The following TMTC4 variants were observed in gnomAD, a reference collection of about 807,000 sequenced individuals.
TMTC4 encodes protein O-mannosyl-transferase TMTC4.
TMTC4 carries 65 observed loss-of-function variants against 86.0 expected under a neutral mutation model. The ratio of observed to expected loss-of-function variants is 0.76; its 90% CI spans 0.62 to 0.93. TMTC4 has a LOEUF of 0.93. Ranked by LOEUF, TMTC4 falls within the 40% of genes least tolerant of loss-of-function variation. The pLI is 0.00. For synonymous variants in TMTC4, 379 were observed against 382.5 expected (o/e 0.99, Z 0.11); for missense variants, 866 against 948.1 (o/e 0.91, Z 1.14).
intron 1 of TMTC4, chr13:100,674,232 C>T (rs1211507265): frequency 4.1e-6 from 4 of 980,992 alleles, no homozygotes; most frequent in Non-Finnish European, 3.6e-6. Flanking sequence ...CGTGGAGTAG[C>T]AGGCGCTCGC....
At chr13:100,632,963 C>T (rs1474969713) in intron 12 of TMTC4, among the ~76,000 whole-genome samples, 1 of 152,098 alleles carries the variant, frequency 6.6e-6, no homozygotes. Context: ...CCATTTTGAG[C>T]AAATAGCGTT....
chr13:100,624,588 A>G (rs1023176135), intron 15 of TMTC4, among the ~76,000 whole-genome samples: 2 of 152,080 alleles, frequency 1.3e-5, no homozygotes, highest in African/African-American at 4.8e-5. Context: ...ACAAACAAAC[A>G]AACAAACAAA....
chr13:100,613,760 C>G (rs1878002703), intron 16 of TMTC4, among the ~76,000 whole-genome samples: 3 of 149,804 alleles, frequency 2.0e-5, no homozygotes. Context: ...TCCTTCCTTC[C>G]CTCCCTTCCC....
intron 6 of TMTC4, among the ~76,000 whole-genome samples, chr13:100,653,995 T>A (rs1280172790): frequency 1.3e-5 from 2 of 152,222 alleles, no homozygotes; most frequent in Admixed American, 6.5e-5. Context: ...TGGTGGTGAC[T>A]CCATCGGCTC....
chr13:100,617,568 G>A lies in TMTC4; in HGVS notation c.1837-3138C>T, dbSNP rs755202590. Among the ~76,000 whole-genome samples the A allele has an allele frequency of 5.3e-5, 8 of 152,140 alleles. No individual in the cohort carries two copies. The South Asian group carries it at 8.3e-4, about 16-fold the overall frequency. ...TATGGCTAGCCAGCTATCCCAGCACGATTTATTGCCTAGGGAACCCTTTCC... is the reference window on the plus strand; with the variant it reads ...TATGGCTAGCCAGCTATCCCAGCACAATTTATTGCCTAGGGAACCCTTTCC... On this transcript the variant is annotated intron_variant, in intron 15 of 18. Coordinates refer to ENST00000342624, the MANE Select transcript of TMTC4 (RefSeq NM_032813.5).
intron 15 of TMTC4, chr13:100,623,765 A>C: frequency 4.3e-6 from 1 of 233,970 alleles, no homozygotes; most frequent in South Asian, 5.7e-5. Context: ...TCAATGCACC[A>C]GCTGATGGGT....
chr13:100,619,328 GACACACACAC>G (rs34662519), intron 15 of TMTC4, among the ~76,000 whole-genome samples: 69,255 of 145,914 alleles, frequency 0.47, 17,154 homozygotes, highest in Middle Eastern at 0.58. Context: ...AATAAAAGCA[GACACACACAC>G]ACACACACAC....
At chr13:100,622,824 T>G (rs961866369) in intron 15 of TMTC4, among the ~76,000 whole-genome samples, 2 of 152,188 alleles carry the variant, frequency 1.3e-5, no homozygotes, top group Admixed American at 1.3e-4. Context: ...ATGTGCACAA[T>G]GTGCAGGTTA....
At chr13:100,632,241 A>G (rs1184393926) in intron 12 of TMTC4, among the ~76,000 whole-genome samples, 2 of 152,200 alleles carry the variant, frequency 1.3e-5, no homozygotes, top group African/African-American at 4.8e-5. Context: ...GCACCTGGGC[A>G]CATCACCATA....
chr13:100,621,429 T>C (rs1594255447), intron 15 of TMTC4, among the ~76,000 whole-genome samples: 1 of 152,158 alleles, frequency 6.6e-6, no homozygotes, highest in South Asian at 2.1e-4. Context: ...TTCTTTTTTT[T>C]TATTTTTATT....
In TMTC4 at chr13:100,625,993, T is replaced by C. The variant is rs1880451927; in HGVS notation, c.1586+78A>G. ...AAAGATATTGTAAAGTTGGGGTCTT[T>C]AAAGGAACAGGTGTTTCATATTAGA... On this transcript the variant is annotated intron_variant, in intron 13 of 18. Coordinates refer to ENST00000342624, the MANE Select transcript of TMTC4 (RefSeq NM_032813.5). 5 of 1,600,996 alleles carry C rather than the reference T, an allele frequency of 3.1e-6. No individual in the cohort carries two copies. In the Admixed American group the frequency reaches 6.7e-5, roughly 21 times the overall value.
intron 5 of TMTC4, among the ~76,000 whole-genome samples, chr13:100,659,711 G>A (rs1885532934): frequency 6.6e-6 from 1 of 151,390 alleles, no homozygotes; most frequent in Non-Finnish European, 1.5e-5. Context: ...GAAGCAATGT[G>A]CGGTGGTTCA....
intron 5 of TMTC4, among the ~76,000 whole-genome samples, chr13:100,660,965 T>G (rs2139021239): frequency 6.6e-6 from 1 of 152,316 alleles, no homozygotes; most frequent in Admixed American, 6.5e-5. Flanking sequence ...AAAGCTGGAA[T>G]TTTTAACTGC....
intron 15 of TMTC4, among the ~76,000 whole-genome samples, chr13:100,622,995 C>T (rs1879777899): frequency 6.6e-6 from 1 of 152,180 alleles, no homozygotes; most frequent in Non-Finnish European, 1.5e-5. Context: ...AAAATCATGG[C>T]TACCCACTCC....
chr13:100,654,455 G>A (rs1884831194), intron 6 of TMTC4, among the ~76,000 whole-genome samples: 1 of 152,102 alleles, frequency 6.6e-6, no homozygotes, highest in Non-Finnish European at 1.5e-5. Context: ...GTTAATAATG[G>A]AACAGCCATC....
chr13:100,664,089 G>C (rs1384304601), intron 4 of TMTC4, 132 bp downstream of exon 4: 1 of 632,616 alleles, frequency 1.6e-6, no homozygotes, highest in African/African-American at 1.9e-5. Flanking sequence ...CCATGTATAT[G>C]AGCAGCTCAG....
At chr13:100,625,361 A>G (rs1880305158) in intron 15 of TMTC4, 174 bp downstream of exon 15, 3 of 871,126 alleles carry the variant, frequency 3.4e-6, no homozygotes, top group Non-Finnish European at 3.5e-6. Flanking sequence ...CTCTAATGAG[A>G]GCTTTAAAAA....
rs71200708 is a variant in TMTC4 at position 100,623,640 on chromosome 13, G to GTTTTTTTTTTTTTTT, written c.1836+1894_1836+1895insAAAAAAAAAAAAAAA. On this transcript the variant is annotated intron_variant, in intron 15 of 18. Transcript: ENST00000342624. ...GTCAGTTTTGGAAACTACTAGTTGG[G>GTTTTTTTTTTTTTTT]TTTTGTTTTTTTTTTTTTTTTTTTT... Among the ~76,000 whole-genome samples, 9 of 96,166 alleles carry GTTTTTTTTTTTTTTT rather than the reference G, an allele frequency of 9.4e-5. 2 individuals are homozygous for GTTTTTTTTTTTTTTT. Among genetic ancestry groups the GTTTTTTTTTTTTTTT allele is most frequent in the Admixed American group, 3.0e-4 (2 of 6,774 alleles). 63.1% of individuals were successfully genotyped at this position (96,166 alleles called of 152,430 possible). A position where few individuals can be genotyped will look rare whatever the true frequency, so the allele number is the denominator to read the frequency against.
intron 6 of TMTC4, among the ~76,000 whole-genome samples, chr13:100,652,074 A>C (rs9557473): frequency 0.11 from 16,509 of 152,238 alleles, 1,235 homozygotes; most frequent in East Asian, 0.34. Context: ...CTGAGACAGG[A>C]GAATCACTTG....
Sources: gnomAD v4.1 joint callset for allele counts (sites outside exome capture counted in the v4.1 genomes callset) on GRCh38, gnomAD v4.1.1 for gene constraint, MANE v1.5 for transcripts, NCBI Gene and HGNC (gene_info 2026-07-23, HGNC 2026-07-21) for gene names.